PTOV1: variants seen among roughly 807,000 people sequenced by gnomAD.
The protein encoded by PTOV1 is prostate tumor-overexpressed gene 1 protein.
A neutral mutation model predicts 58.0 loss-of-function variants in PTOV1; 20 were observed. The observed-to-expected ratio is 0.34, with a 90% CI of 0.24 to 0.50. PTOV1 has a LOEUF of 0.50. PTOV1 is among the 20% of genes least tolerant of loss of function. The probability of loss-of-function intolerance (pLI) is 0.98; values close to 1 mark genes in which losing one functional copy is unlikely to be tolerated. For synonymous variants in PTOV1, 335 were observed against 234.2 expected, an observed-to-expected ratio of 1.43 and a Z score of -3.93; for missense variants, 593 against 565.4, an observed-to-expected ratio of 1.05 and a Z score of -0.50.
Position 49,859,982 on chromosome 19 carries a change from C to T in PTOV1, c.1042-4C>T, listed in dbSNP as rs757875037. The T allele has an allele frequency of 1.2e-6, 2 of 1,613,916 alleles. No homozygotes were observed. The highest frequency in any genetic ancestry group is 1.7e-6 in the Non-Finnish European group (2 of 1,179,998). ...CTGGTGACACCACGCCCTGTGCCTG[C>T]CAGGCCGGCTGCGTGCACTTTTCCT... On this transcript the variant is annotated splice_polypyrimidine_tract_variant and splice_region_variant and intron_variant, in intron 10 of 11. Transcript: ENST00000391842.
At chr19:49,850,783 C>T, upstream of PTOV1, 1 of 1,438,606 alleles carries the variant, frequency 7.0e-7, no homozygotes, top group Non-Finnish European at 9.4e-7. Context: ...GGTTCCCTTT[C>T]AGTGGGTTCC....
intron 1 of PTOV1, chr19:49,851,732 G>A (rs2122162284): frequency 1.8e-6 from 2 of 1,121,802 alleles, no homozygotes; most frequent in Non-Finnish European, 2.2e-6. Flanking sequence ...GGGGCGGGGC[G>A]GGCTCATATT....
intron 8 of PTOV1, 21 bp from the exon 9 acceptor site, chr19:49,858,036 T>C: frequency 6.2e-7 from 1 of 1,613,954 alleles, no homozygotes. Flanking sequence ...TTCCTGACCC[T>C]CGTCCCTTTG....
chr19:49,857,258 C>A, intron 6 of PTOV1, 128 bp downstream of exon 6: 1 of 1,319,886 alleles, frequency 7.6e-7, no homozygotes, highest in Non-Finnish European at 1.1e-6. Flanking sequence ...GCAGGGGAGC[C>A]CGGAGGATGC....
exon 7 of PTOV1, chr19:49,857,779 G>A: frequency 1.2e-6 from 2 of 1,614,138 alleles, no homozygotes; most frequent in Non-Finnish European, 1.7e-6. Flanking sequence ...TGGAGTGGCA[G>A]GAGGTGAGCA....
intron 5 of PTOV1, chr19:49,856,774 C>T: frequency 1.6e-6 from 1 of 620,474 alleles, no homozygotes; most frequent in South Asian, 2.2e-5. Flanking sequence ...ACTCTGACCT[C>T]AGCCATGGCA....
At chr19:49,857,334 T>C in intron 6 of PTOV1, 1 of 723,114 alleles carries the variant, frequency 1.4e-6, no homozygotes, top group Non-Finnish European at 2.2e-6. Flanking sequence ...GGCTGGAGGG[T>C]GGGTCTTGGC....
upstream of PTOV1, chr19:49,850,744 A>T: frequency 9.7e-7 from 1 of 1,035,432 alleles, no homozygotes; most frequent in Non-Finnish European, 1.4e-6. Context: ...CAGCTGTCTC[A>T]GGCTCGGGTG....
chr19:49,850,967 C>T, upstream of PTOV1: 2 of 1,535,526 alleles, frequency 1.3e-6, no homozygotes, highest in South Asian at 1.2e-5. Context: ...TAGGGGCTCC[C>T]GTTCCCGCCA....
intron 7 of PTOV1, 48 bp from the exon 8 acceptor site, chr19:49,857,856 T>C (rs960908467): frequency 1.4e-5 from 22 of 1,611,618 alleles, no homozygotes; most frequent in Non-Finnish European, 1.7e-5. Context: ...GACACTGGCA[T>C]TGGGGGTCTC....
rs202111945 is a variant in PTOV1, at chr19:49,854,385, C to T, written c.172-21C>T. On this transcript the variant is annotated intron_variant, in intron 1 of 11. Transcript: ENST00000391842. Reference sequence around the variant, plus strand: ...CAGGCCCCGGCCTCAGTTTTCCCACCTATCCCCCACTCCATTGCAGGAAGG... The same window carrying T: ...CAGGCCCCGGCCTCAGTTTTCCCACTTATCCCCCACTCCATTGCAGGAAGG... 4,725 of 1,598,966 alleles carry T rather than the reference C, an allele frequency of 3.0e-3. 7 individuals are homozygous for T. Among genetic ancestry groups the T allele is most frequent in the Non-Finnish European group, 3.7e-3 (4,320 of 1,171,022 alleles).
At chr19:49,856,893 C>A (rs552642438) in intron 5 of PTOV1, 82 bp from the exon 6 acceptor site, 2 of 1,544,396 alleles carry the variant, frequency 1.3e-6, no homozygotes, top group Non-Finnish European at 1.8e-6. Context: ...CCTTCATCCC[C>A]TACAGGTGGG....
At chr19:49,860,053 C>T in exon 11 of PTOV1, 1 of 1,614,228 alleles carries the variant, frequency 6.2e-7, no homozygotes, top group Non-Finnish European at 8.5e-7. Context: ...CTGTACTCTT[C>T]AGAGAAGAAA....
intron 1 of PTOV1, 32 bp downstream of exon 1, chr19:49,851,531 C>T: frequency 8.7e-7 from 1 of 1,144,708 alleles, no homozygotes. Context: ...CAGAGCCTTC[C>T]ACGGCCCCGC....
chr19:49,851,894 G>A, intron 1 of PTOV1: 2 of 985,594 alleles, frequency 2.0e-6, no homozygotes, highest in Non-Finnish European at 2.4e-6. Context: ...GGCGAGGGAG[G>A]GGCCCGCGCT....
exon 12 of PTOV1, chr19:49,860,399 G>GGGC: frequency 1.9e-6 from 1 of 517,958 alleles, no homozygotes; most frequent in Non-Finnish European, 3.6e-6. Flanking sequence ...GTGGGGTTGG[G>GGGC]AAAGAAGCAG....
upstream of PTOV1, chr19:49,851,134 C>G (rs2074224125): frequency 7.5e-7 from 1 of 1,326,020 alleles, no homozygotes; most frequent in East Asian, 3.2e-5. Flanking sequence ...GCGCTTGGTA[C>G]GCGCCGGGCT....
At chr19:49,853,531 G>A (rs2074339754) in intron 1 of PTOV1, among the ~76,000 whole-genome samples, 1 of 151,870 alleles carries the variant, frequency 6.6e-6, no homozygotes, top group Non-Finnish European at 1.5e-5. Context: ...CGGGCATGAT[G>A]GCGCGGCTTG....
chr19:49,859,794 C>T, intron 10 of PTOV1, 192 bp from the exon 11 acceptor site: 1 of 627,136 alleles, frequency 1.6e-6, no homozygotes, highest in Non-Finnish European at 2.8e-6. Context: ...GCCTGTTGGC[C>T]TTTGGCCCAC....
Sources: allele counts gnomAD v4.1 joint callset (sites outside exome capture counted in the v4.1 genomes callset), GRCh38; gene constraint gnomAD v4.1.1; transcripts MANE v1.5; gene names NCBI Gene and HGNC (gene_info 2026-07-23, HGNC 2026-07-21).